Variants in KREMEN1 observed in about 807,000 individuals in gnomAD.
The protein encoded by KREMEN1 is kringle containing transmembrane protein 1, also known as kremen protein 1.
A neutral mutation model predicts 46.5 loss-of-function variants in KREMEN1; 30 were observed. The observed-to-expected ratio is 0.65, with a 90% CI of 0.48 to 0.88. The LOEUF is 0.88. Ranked by LOEUF, KREMEN1 falls within the 40% of genes least tolerant of loss-of-function variation. The pLI is 0.00. For missense variants in KREMEN1, 533 were observed against 596.9 expected (o/e 0.89, Z 1.11); for synonymous variants, 214 against 230.6 (o/e 0.93, Z 0.65).
chr22:29,159,132 T>G (rs1009678368), intron 9 of KREMEN1, among the ~76,000 whole-genome samples: 8 of 149,170 alleles, frequency 5.4e-5, no homozygotes, highest in Admixed American at 1.3e-4. Flanking sequence ...GTGTTTTTTT[T>G]TTTTTTTTTT....
intron 8 of KREMEN1, among the ~76,000 whole-genome samples, chr22:29,141,191 C>A (rs1452805612): frequency 6.6e-6 from 1 of 151,958 alleles, no homozygotes; most frequent in African/African-American, 2.4e-5. Flanking sequence ...ACACCTCCAC[C>A]CTACACTTGA....
intron 5 of KREMEN1, among the ~76,000 whole-genome samples, chr22:29,130,369 T>C (rs2038513404): frequency 6.6e-6 from 1 of 152,208 alleles, no homozygotes; most frequent in Admixed American, 6.5e-5. Flanking sequence ...GACTCTAAGA[T>C]GCCTCAATTC....
Position 29,145,830 on chromosome 22 carries a change from T to A in KREMEN1, c.*3718T>A. On this transcript the variant is annotated 3_prime_UTR_variant, in exon 9 of 9. Transcript: ENST00000400335. ...CCAATCGGCCAGAAGCCCACAGAGA[T>A]CAAAGCACTAGCAAGTTCAGCTGTC... is the stretch of plus-strand genomic sequence containing the variant. 1 of 985,352 alleles carries A rather than the reference T, an allele frequency of 1.0e-6. No homozygotes were observed. The highest frequency in any genetic ancestry group is 4.7e-5 in the South Asian group (1 of 21,272). 61.0% of individuals were successfully genotyped at this position (985,352 alleles called of 1,614,324 possible).
intron 9 of KREMEN1, among the ~76,000 whole-genome samples, chr22:29,153,980 A>AAG (rs1556019956): frequency 6.6e-6 from 1 of 151,704 alleles, no homozygotes; most frequent in East Asian, 1.9e-4. Flanking sequence ...AAAAAAAAAA[A>AAG]AAAGAAAGAA....
At chr22:29,149,169 C>CT (rs557993177), downstream of KREMEN1, among the ~76,000 whole-genome samples, 8,304 of 145,672 alleles carry the variant, frequency 0.057, 298 homozygotes, top group Non-Finnish European at 0.072. Flanking sequence ...ATAATGGCAC[C>CT]TTTTTTTTTT....
At chr22:29,108,190 G>A (rs1326224402) in intron 3 of KREMEN1, among the ~76,000 whole-genome samples, 1 of 152,250 alleles carries the variant, frequency 6.6e-6, no homozygotes, top group Non-Finnish European at 1.5e-5. Flanking sequence ...GGGAGGCTAA[G>A]GCAGGAGAAT....
chr22:29,124,481 G>A (rs2038408617), intron 4 of KREMEN1, among the ~76,000 whole-genome samples: 1 of 151,718 alleles, frequency 6.6e-6, no homozygotes, highest in Non-Finnish European at 1.5e-5. Flanking sequence ...TGTACTGGTG[G>A]TTGCACAAAT....
intron 5 of KREMEN1, among the ~76,000 whole-genome samples, chr22:29,127,136 T>G (rs79246010): frequency 0.012 from 1,854 of 152,300 alleles, 20 homozygotes; most frequent in Middle Eastern, 0.02. Flanking sequence ...CATGAAGGCC[T>G]TATCTAAATT....
Position 29,094,545 on chromosome 22 carries a change from A to C in KREMEN1, c.260+125A>C, listed in dbSNP as rs2037851260. ...ACCAACTCAAGAGACTTATCTTGTC[A>C]GTTTTAAAAATATTTCTTTCACACC... is the stretch of plus-strand genomic sequence containing the variant. On this transcript the variant is annotated intron_variant, in intron 2 of 8. Coordinates refer to ENST00000400335, the MANE Select transcript of KREMEN1 (RefSeq NM_001039570.3). 4.6e-6 allele frequency: 3 copies of C among 655,482 alleles called. No homozygotes were observed. In the East Asian group the frequency reaches 9.4e-5, roughly 21 times the overall value. 40.6% of individuals were successfully genotyped at this position (655,482 alleles called of 1,614,324 possible).
intron 9 of KREMEN1, among the ~76,000 whole-genome samples, chr22:29,156,286 T>A (rs1217970790): frequency 2.6e-5 from 4 of 152,372 alleles, no homozygotes; most frequent in Middle Eastern, 6.8e-3. Context: ...CAAGCCAAAA[T>A]GTCCTTCTCT....
At chr22:29,138,479 G>T in intron 6 of KREMEN1, 145 bp from the exon 7 acceptor site, 1 of 753,578 alleles carries the variant, frequency 1.3e-6, no homozygotes, top group Non-Finnish European at 2.3e-6. Flanking sequence ...TTCTGTTTTG[G>T]GGCTGGTGGG....
At chr22:29,140,440 G>C (rs1430069882) in intron 8 of KREMEN1, 74 bp downstream of exon 8, 1 of 1,128,938 alleles carries the variant, frequency 8.9e-7, no homozygotes, top group East Asian at 2.4e-5. Flanking sequence ...TGCTTCATTT[G>C]TCTGGTTACA....
intron 9 of KREMEN1, among the ~76,000 whole-genome samples, chr22:29,160,187 A>G (rs2038998190): frequency 6.6e-6 from 1 of 152,042 alleles, no homozygotes; most frequent in Non-Finnish European, 1.5e-5. Context: ...AAAAATCAAA[A>G]TCATACCAGC....
At chr22:29,141,188 C>T (rs187385367) in intron 8 of KREMEN1, among the ~76,000 whole-genome samples, 20 of 152,228 alleles carry the variant, frequency 1.3e-4, no homozygotes, top group Admixed American at 9.8e-4. Flanking sequence ...TAGACACCTC[C>T]ACCCTACACT....
chr22:29,109,816 G>C (rs2038116224), intron 3 of KREMEN1, among the ~76,000 whole-genome samples: 1 of 152,154 alleles, frequency 6.6e-6, no homozygotes, highest in South Asian at 2.1e-4. Context: ...TGGCAGCAGT[G>C]AGACAAGACA....
intron 3 of KREMEN1, among the ~76,000 whole-genome samples, chr22:29,107,064 G>A (rs1341682394): frequency 6.6e-6 from 1 of 152,158 alleles, no homozygotes; most frequent in African/African-American, 2.4e-5. Context: ...TGTTCTCAGC[G>A]AGGAAAGGGC....
chr22:29,138,302 G>A (rs184924811), intron 6 of KREMEN1, among the ~76,000 whole-genome samples: 9 of 152,322 alleles, frequency 5.9e-5, no homozygotes, highest in Admixed American at 5.9e-4. Context: ...GTAGCATTTG[G>A]ATCAATAGGA....
chr22:29,131,598 ATG>A lies in KREMEN1; in HGVS notation c.632-5742_632-5741del, dbSNP rs1569331254. On this transcript the variant is annotated intron_variant, in intron 5 of 8. Transcript: ENST00000400335. ...TGTGTGTGTGTGTGTGTGTGTGTAT[ATG>A]TATATATGTGTGTATATATATGTAT... Among the ~76,000 whole-genome samples, 69 of 123,134 alleles carry A rather than the reference ATG, an allele frequency of 5.6e-4. 1 individual carries two copies. The highest frequency in any genetic ancestry group is 2.3e-3 in the African/African-American group (63 of 27,190). 80.8% of individuals were successfully genotyped at this position (123,134 alleles called of 152,430 possible).
intron 6 of KREMEN1, 103 bp downstream of exon 6, chr22:29,137,777 C>T (rs1428699200): frequency 3.4e-6 from 3 of 886,618 alleles, no homozygotes; most frequent in Admixed American, 3.0e-5. Context: ...GCAGATTGGG[C>T]CTCAGGAACT....
Sources: allele counts gnomAD v4.1 joint callset (sites outside exome capture counted in the v4.1 genomes callset), GRCh38; gene constraint gnomAD v4.1.1; transcripts MANE v1.5; gene names NCBI Gene and HGNC (gene_info 2026-07-23, HGNC 2026-07-21).